Variants in SPSB4 observed in about 807,000 individuals in gnomAD.
SPSB4 encodes SPRY domain-containing SOCS box protein 4.
SPSB4 carries 21 observed loss-of-function variants against 20.9 expected under a neutral mutation model. That is an observed-to-expected ratio of 1.01 (90% CI 0.71 to 1.45). The LOEUF (loss-of-function observed/expected upper bound fraction) is 1.45, where lower values mean the gene tolerates loss of function less well. Ranked by LOEUF, SPSB4 falls within the 40% of genes most tolerant of loss-of-function variation. The pLI is 0.00. For synonymous variants in SPSB4, 207 were observed against 183.8 expected, an observed-to-expected ratio of 1.13 and a Z score of -1.02; for missense variants, 399 against 399.2, an observed-to-expected ratio of 1.00 and a Z score of 0.00.
intron 2 of SPSB4, among the ~76,000 whole-genome samples, chr3:141,079,798 G>T (rs926023967): frequency 6.6e-6 from 1 of 152,194 alleles, no homozygotes; most frequent in Non-Finnish European, 1.5e-5. Flanking sequence ...GGTCCCCTTT[G>T]GGGGAGGGGC....
At chr3:141,082,173 T>C (rs1421988045) in intron 2 of SPSB4, among the ~76,000 whole-genome samples, 27 of 152,214 alleles carry the variant, frequency 1.8e-4, no homozygotes, top group Admixed American at 1.8e-3. Flanking sequence ...GGTCTGGTTG[T>C]CATTTGCTGA....
intron 2 of SPSB4, among the ~76,000 whole-genome samples, chr3:141,126,735 C>A (rs1199341215): frequency 6.6e-6 from 1 of 152,336 alleles, no homozygotes; most frequent in East Asian, 1.9e-4. Context: ...GGTCCACGAG[C>A]TGAGTTTGCT....
rs1937895940 is a variant in SPSB4 at position 141,066,818 on chromosome 3, G to A, written c.694+20G>A. Reference sequence around the variant, plus strand: ...TTGACCGTAAGTTGTGCTGGGCTGGGGGGCAGGGCTTTCAGAGGCTGCCAG... The same window carrying A: ...TTGACCGTAAGTTGTGCTGGGCTGGAGGGCAGGGCTTTCAGAGGCTGCCAG... On this transcript the variant is annotated intron_variant, in intron 2 of 2. Transcript: ENST00000310546. 6.6e-7 allele frequency: 1 copy of A among 1,506,966 alleles called. No individual in the cohort carries two copies. The highest frequency in any genetic ancestry group is 8.9e-7 in the Non-Finnish European group (1 of 1,124,618). 93.3% of individuals were successfully genotyped at this position (1,506,966 alleles called of 1,614,324 possible).
Position 141,066,395 on chromosome 3 carries a change from G to A in SPSB4, c.291G>A (p.Leu97=), listed in dbSNP as rs1482183189. 1 of 1,536,992 alleles carries A rather than the reference G, an allele frequency of 6.5e-7. No homozygotes were observed. The highest frequency in any genetic ancestry group is 1.2e-5 in the South Asian group (1 of 82,946). ...IRGKVGHARG[L]HAWQINWPAR... The stretch of plus-strand genomic sequence containing the variant: ...GCAAGGTGGGCCACGCCCGCGGCCT[G>A]CACGCCTGGCAGATCAACTGGCCGG... The change falls in exon 2 of 3, where the codon CTG becomes CTA. Residue 97 remains leucine (L), a synonymous_variant. Coordinates refer to ENST00000310546, the MANE Select transcript of SPSB4 (RefSeq NM_080862.3).
rs1376336169 is a variant in SPSB4 at position 141,051,809 on chromosome 3, G to A, written c.-337G>A. 1 of 152,178 alleles carries A rather than the reference G, an allele frequency of 6.6e-6. No homozygotes were observed. Among genetic ancestry groups the A allele is most frequent in the Non-Finnish European group, 1.5e-5 (1 of 68,072 alleles). 9.4% of individuals were successfully genotyped at this position (152,178 alleles called of 1,614,324 possible). ...CTCCAGGCCATCCTGCAGCGCAGAG[G>A]GGGCGCTGCTGCCGGGCATCAGCCG... On this transcript the variant is annotated 5_prime_UTR_variant, in exon 1 of 3. Coordinates refer to ENST00000310546, the MANE Select transcript of SPSB4 (RefSeq NM_080862.3).
At chr3:141,061,880 C>T (rs369742845) in intron 1 of SPSB4, among the ~76,000 whole-genome samples, 138 of 152,028 alleles carry the variant, frequency 9.1e-4, no homozygotes, top group Non-Finnish European at 1.4e-3. Flanking sequence ...GGACTACAGG[C>T]GTGTGCCGCC....
chr3:141,052,006 A>C lies in SPSB4; in HGVS notation c.-154+14A>C, dbSNP rs1936100886. 1 of 152,514 alleles carries C rather than the reference A, an allele frequency of 6.6e-6. No individual in the cohort carries two copies. The highest frequency in any genetic ancestry group is 2.1e-4 in the South Asian group (1 of 4,840). 9.4% of individuals were successfully genotyped at this position (152,514 alleles called of 1,614,324 possible). A position where few individuals can be genotyped will look rare whatever the true frequency, so the allele number is the denominator to read the frequency against. On this transcript the variant is annotated intron_variant, in intron 1 of 2. Transcript: ENST00000310546. ...CTCTCTTTTATGGTAAGTACTCTCC[A>C]GCTCCTGGTGAGGGGCGCGCGGGGG... is the stretch of plus-strand genomic sequence containing the variant.
intron 2 of SPSB4, among the ~76,000 whole-genome samples, chr3:141,094,131 G>A (rs1423182084): frequency 1.3e-5 from 2 of 152,164 alleles, no homozygotes; most frequent in Admixed American, 6.5e-5. Context: ...GCCTGAGGTC[G>A]GCTGGGGCTC....
In SPSB4 at chr3:141,065,871, CAAGG is replaced by C. The variant is rs1937855209; in HGVS notation, c.-153-80_-153-77del. On this transcript the variant is annotated intron_variant, in intron 1 of 2. Transcript: ENST00000310546. Reference sequence around the variant, plus strand: ...TTATTGTGCATGCAAAGGGCTCAGCCAAGGCATGGACATAAATGAAGGGATTGGC... The same window carrying C: ...TTATTGTGCATGCAAAGGGCTCAGCCCATGGACATAAATGAAGGGATTGGC... 13 of 500,042 alleles carry C rather than the reference CAAGG, an allele frequency of 2.6e-5. No individual in the cohort carries two copies. In the South Asian group the frequency reaches 4.0e-4, roughly 15 times the overall value. The allele number at this position is 500,042 out of a possible 1,614,324, so 31.0% of individuals were successfully genotyped here.
At chr3:141,128,022 T>G (rs1939075677) in intron 2 of SPSB4, among the ~76,000 whole-genome samples, 1 of 152,106 alleles carries the variant, frequency 6.6e-6, no homozygotes, top group Non-Finnish European at 1.5e-5. Flanking sequence ...ATTGTTCAAC[T>G]GGATGAGGAG....
chr3:141,103,091 C>T (rs1400660099), intron 2 of SPSB4, among the ~76,000 whole-genome samples: 4 of 152,234 alleles, frequency 2.6e-5, no homozygotes, highest in Admixed American at 6.5e-5. Context: ...TTTCCCAATA[C>T]CTGATTGTTA....
At chr3:141,139,969 A>T (rs1395725717) in intron 2 of SPSB4, among the ~76,000 whole-genome samples, 1 of 151,482 alleles carries the variant, frequency 6.6e-6, no homozygotes, top group Non-Finnish European at 1.5e-5. Context: ...TTTCAGGTAC[A>T]CCAATTAGAT....
intron 2 of SPSB4, among the ~76,000 whole-genome samples, chr3:141,126,498 T>C (rs1365774346): frequency 6.6e-6 from 1 of 152,144 alleles, no homozygotes; most frequent in East Asian, 1.9e-4. Context: ...TTTCCTTCAA[T>C]TTCCAACCGG....
At chr3:141,089,795 A>T (rs1409478630) in intron 2 of SPSB4, among the ~76,000 whole-genome samples, 2 of 152,214 alleles carry the variant, frequency 1.3e-5, no homozygotes, top group African/African-American at 4.8e-5. Context: ...ATTTTCAGGG[A>T]TTTCACAGAA....
chr3:141,141,207 C>T (rs1011496651), intron 2 of SPSB4, among the ~76,000 whole-genome samples: 6 of 152,288 alleles, frequency 3.9e-5, no homozygotes, highest in African/African-American at 9.6e-5. Context: ...GGGAGTGACC[C>T]GATTTTCCAG....
At chr3:141,130,249 G>C (rs1288569210) in intron 2 of SPSB4, among the ~76,000 whole-genome samples, 1 of 152,220 alleles carries the variant, frequency 6.6e-6, no homozygotes, top group Non-Finnish European at 1.5e-5. Context: ...GATGACACTT[G>C]ATTTGAGTCC....
intron 2 of SPSB4, among the ~76,000 whole-genome samples, chr3:141,139,194 CT>C (rs1939279982): frequency 6.6e-6 from 1 of 152,052 alleles, no homozygotes. Flanking sequence ...CTTGGTAGAT[CT>C]TCCTCCATCC....
intron 1 of SPSB4, among the ~76,000 whole-genome samples, chr3:141,061,172 A>G (rs1414467208): frequency 6.6e-6 from 1 of 152,178 alleles, no homozygotes; most frequent in East Asian, 1.9e-4. Flanking sequence ...TTTAAAGTAT[A>G]TTTAGTGATA....
At chr3:141,074,355 A>C (rs1297696658) in intron 2 of SPSB4, among the ~76,000 whole-genome samples, 1 of 152,240 alleles carries the variant, frequency 6.6e-6, no homozygotes, top group Non-Finnish European at 1.5e-5. Context: ...GTAGGTTTAA[A>C]AATGGCTAAT....
Sources: gnomAD v4.1 joint callset for allele counts (sites outside exome capture counted in the v4.1 genomes callset) on GRCh38, gnomAD v4.1.1 for gene constraint, MANE v1.5 for transcripts, NCBI Gene and HGNC (gene_info 2026-07-23, HGNC 2026-07-21) for gene names.